The following CAST variants were observed in gnomAD, a reference collection of about 807,000 sequenced individuals.
CAST encodes the protein MIR583 host.
CAST carries 76 observed loss-of-function variants against 119.6 expected under a neutral mutation model. That is an observed-to-expected ratio of 0.64 (90% CI 0.53 to 0.77). The LOEUF (loss-of-function observed/expected upper bound fraction) is 0.77, where lower values mean the gene tolerates loss of function less well. CAST is among the 30% of genes least tolerant of loss of function. The pLI, the probability that CAST is intolerant of heterozygous loss-of-function variation, is 0.00. For missense variants in CAST, 953 were observed against 946.5 expected, an observed-to-expected ratio of 1.01 and a Z score of -0.09; for synonymous variants, 319 against 331.6, an observed-to-expected ratio of 0.96 and a Z score of 0.41.
At chr5:96,670,338 C>T (rs1048811513) in intron 1 of CAST, among the ~76,000 whole-genome samples, 1 of 151,730 alleles carries the variant, frequency 6.6e-6, no homozygotes, top group African/African-American at 2.4e-5. Flanking sequence ...TTTTCCTTTC[C>T]TCCTAAAAGA....
At chr5:96,615,319 C>A (rs1747431886) in intron 1 of CAST, among the ~76,000 whole-genome samples, 2 of 152,166 alleles carry the variant, frequency 1.3e-5, no homozygotes, top group South Asian at 4.1e-4. Context: ...AGCCAAAGAG[C>A]AGCTGTACAG....
At chr5:96,485,343 T>A in the CAST span, among the ~76,000 whole-genome samples, 1 of 152,184 alleles carries the variant, frequency 6.6e-6, no homozygotes, top group Admixed American at 6.5e-5. Context: ...CATGAAGTGA[T>A]GTTCAGAGTT....
At chr5:96,592,730 C>T (rs1275175522) in intron 1 of CAST, among the ~76,000 whole-genome samples, 1 of 151,784 alleles carries the variant, frequency 6.6e-6, no homozygotes, top group African/African-American at 2.4e-5. Flanking sequence ...TGTTTAAATT[C>T]CTTCATTTGG....
chr5:96,688,051 C>T (rs1385407476), intron 2 of CAST, among the ~76,000 whole-genome samples: 1 of 152,180 alleles, frequency 6.6e-6, no homozygotes, highest in African/African-American at 2.4e-5. Flanking sequence ...GTTCAGGGGA[C>T]ACCCAGTGGT....
the CAST span, among the ~76,000 whole-genome samples, chr5:95,975,006 G>C: frequency 1.3e-5 from 2 of 152,084 alleles, no homozygotes; most frequent in African/African-American, 2.4e-5. Flanking sequence ...CATGAAGGAG[G>C]AGGACTGTGA....
chr5:96,381,782 T>C, the CAST span, among the ~76,000 whole-genome samples: 1 of 152,352 alleles, frequency 6.6e-6, no homozygotes, highest in Non-Finnish European at 1.5e-5. Flanking sequence ...TTCCTTGTGG[T>C]TAATACATCT....
chr5:96,254,399 C>T, the CAST span, among the ~76,000 whole-genome samples: 2 of 152,164 alleles, frequency 1.3e-5, no homozygotes, highest in South Asian at 4.1e-4. Flanking sequence ...TCACAAAGAG[C>T]AGGAATAGAA....
the CAST span, among the ~76,000 whole-genome samples, chr5:96,156,039 A>G: frequency 1.4e-4 from 22 of 152,360 alleles, no homozygotes; most frequent in Admixed American, 2.6e-4. Flanking sequence ...CTATGCGGAA[A>G]GTAAATCATT....
the CAST span, among the ~76,000 whole-genome samples, chr5:96,356,613 T>G: frequency 6.6e-6 from 1 of 152,228 alleles, no homozygotes; most frequent in Non-Finnish European, 1.5e-5. Context: ...TGCTTGTTTT[T>G]GTCAGGGTTG....
the CAST span, among the ~76,000 whole-genome samples, chr5:96,122,563 C>T: frequency 6.6e-6 from 1 of 152,128 alleles, no homozygotes; most frequent in Non-Finnish European, 1.5e-5. Flanking sequence ...TTGTTTGAGA[C>T]CTGCTATTCA....
the CAST span, among the ~76,000 whole-genome samples, chr5:95,969,579 G>T: frequency 1.1e-4 from 16 of 152,192 alleles, no homozygotes; most frequent in African/African-American, 3.9e-4. Context: ...TTGTACTAGG[G>T]TATTAATGAT....
the CAST span, among the ~76,000 whole-genome samples, chr5:96,000,867 G>A: frequency 7.2e-5 from 11 of 152,226 alleles, no homozygotes; most frequent in Admixed American, 2.6e-4. Flanking sequence ...GTAAAAAAAC[G>A]CAATTGATAT....
intron 1 of CAST, among the ~76,000 whole-genome samples, chr5:96,641,642 C>T (rs534800522): frequency 6.6e-6 from 1 of 152,274 alleles, no homozygotes; most frequent in Admixed American, 6.5e-5. Context: ...TCCAGCCATG[C>T]CCTCCTACTT....
chr5:96,260,413 TTC>T, the CAST span, among the ~76,000 whole-genome samples: 3 of 152,206 alleles, frequency 2.0e-5, no homozygotes, highest in African/African-American at 4.8e-5. Flanking sequence ...TTTGTCTGTT[TTC>T]TGTCCTTTAG....
At chr5:96,663,108 G>A in intron 1 of CAST, 1 of 702,500 alleles carries the variant, frequency 1.4e-6, no homozygotes, top group Non-Finnish European at 2.6e-6. Context: ...CTCCCCCGCC[G>A]TGCGGATCGG....
chr5:96,478,376 A>T, the CAST span, among the ~76,000 whole-genome samples: 1 of 152,266 alleles, frequency 6.6e-6, no homozygotes, highest in Admixed American at 6.5e-5. Flanking sequence ...ACATTGTATG[A>T]TGCACATTTG....
the CAST span, among the ~76,000 whole-genome samples, chr5:96,435,622 C>G: frequency 6.6e-6 from 1 of 152,158 alleles, no homozygotes; most frequent in Non-Finnish European, 1.5e-5. Context: ...AATTATCACC[C>G]TTAAGTTGGT....
At chr5:96,277,887 TAGC>T in the CAST span, among the ~76,000 whole-genome samples, 1 of 152,130 alleles carries the variant, frequency 6.6e-6, no homozygotes, top group Non-Finnish European at 1.5e-5. Flanking sequence ...GATTTGATAA[TAGC>T]AGCCAGCAGG....
At chr5:96,358,850 C>T in the CAST span, among the ~76,000 whole-genome samples, 1 of 152,158 alleles carries the variant, frequency 6.6e-6, no homozygotes, top group Non-Finnish European at 1.5e-5. Context: ...CTTAGGTCTA[C>T]TTGGTCTGGA....
Sources: gnomAD v4.1 joint callset for allele counts (sites outside exome capture counted in the v4.1 genomes callset) on GRCh38, gnomAD v4.1.1 for gene constraint, MANE v1.5 for transcripts, NCBI Gene and HGNC (gene_info 2026-07-23, HGNC 2026-07-21) for gene names.